The following WWOX variants were observed in gnomAD, a reference collection of about 807,000 sequenced individuals.
WWOX encodes WW domain-containing oxidoreductase.
Under a neutral mutation model 46.2 loss-of-function variants are expected in WWOX, and 69 were observed. That is an observed-to-expected ratio of 1.49 (90% CI 1.23 to 1.82). The LOEUF (loss-of-function observed/expected upper bound fraction) is 1.82. Among genes scored for constraint, WWOX ranks in the 40% most tolerant of loss-of-function variants. WWOX has a pLI of 0.00. For synonymous variants in WWOX, 359 were observed against 202.6 expected (o/e 1.77, Z -6.56); for missense variants, 919 against 542.6 (o/e 1.69, Z -6.89).
At chr16:78,460,094 A>T (rs563403315) in intron 8 of WWOX, among the ~76,000 whole-genome samples, 2 of 151,542 alleles carry the variant, frequency 1.3e-5, no homozygotes, top group South Asian at 2.1e-4. Context: ...GGCATGAGCC[A>T]CTGTACCTGG....
At chr16:78,217,240 C>A (rs1230565844) in intron 5 of WWOX, among the ~76,000 whole-genome samples, 8 of 152,292 alleles carry the variant, frequency 5.3e-5, no homozygotes, top group Admixed American at 5.2e-4. Flanking sequence ...CCTGATTCTT[C>A]CTAACTTCTC....
chr16:78,407,574 C>T (rs1354360278), intron 6 of WWOX, among the ~76,000 whole-genome samples: 1 of 152,146 alleles, frequency 6.6e-6, no homozygotes, highest in Non-Finnish European at 1.5e-5. Flanking sequence ...CTCTTTAAAG[C>T]ACCTTTCTCA....
chr16:79,034,627 T>C (rs183935129), intron 8 of WWOX, among the ~76,000 whole-genome samples: 35 of 152,338 alleles, frequency 2.3e-4, no homozygotes, highest in Admixed American at 3.9e-4. Context: ...CTCAAAGGCA[T>C]TAATCTTTTT....
intron 8 of WWOX, among the ~76,000 whole-genome samples, chr16:78,542,572 C>T (rs1015198010): frequency 1.3e-5 from 2 of 152,080 alleles, no homozygotes; most frequent in African/African-American, 2.4e-5. Flanking sequence ...TGACCGTGTT[C>T]GCTGGAATTG....
intron 8 of WWOX, among the ~76,000 whole-genome samples, chr16:78,548,178 A>G (rs61299140): frequency 8.9e-6 from 1 of 112,738 alleles, no homozygotes; most frequent in Non-Finnish European, 1.8e-5. Flanking sequence ...AAAAAAAAAA[A>G]TTACGAATTT....
At chr16:78,916,617 A>G (rs2045258085) in intron 8 of WWOX, among the ~76,000 whole-genome samples, 1 of 152,350 alleles carries the variant, frequency 6.6e-6, no homozygotes, top group African/African-American at 2.4e-5. Flanking sequence ...ATAAATTGGG[A>G]TTGGCCTAGA....
intron 8 of WWOX, among the ~76,000 whole-genome samples, chr16:78,447,717 G>A (rs2083594471): frequency 6.6e-6 from 1 of 152,184 alleles, no homozygotes; most frequent in Non-Finnish European, 1.5e-5. Flanking sequence ...AGCTGTTGCT[G>A]GGGAGTCAGT....
At chr16:78,916,286 G>A (rs908123283) in intron 8 of WWOX, among the ~76,000 whole-genome samples, 3 of 152,172 alleles carry the variant, frequency 2.0e-5, no homozygotes, top group African/African-American at 7.2e-5. Flanking sequence ...GGGTATGATG[G>A]ATGGAGACCC....
intron 8 of WWOX, among the ~76,000 whole-genome samples, chr16:79,005,367 C>T (rs2047170672): frequency 6.6e-6 from 1 of 152,192 alleles, no homozygotes; most frequent in African/African-American, 2.4e-5. Context: ...AATGAGGTAG[C>T]TGTAGCCAAG....
intron 8 of WWOX, among the ~76,000 whole-genome samples, chr16:78,950,239 C>T (rs1995549): frequency 0.61 from 92,977 of 151,978 alleles, 28,904 homozygotes; most frequent in Middle Eastern, 0.73. Flanking sequence ...AGTTGAATTA[C>T]GGTCTTTAGC....
intron 5 of WWOX, among the ~76,000 whole-genome samples, chr16:78,225,469 C>A (rs1477849388): frequency 6.6e-6 from 1 of 152,172 alleles, no homozygotes; most frequent in Middle Eastern, 3.2e-3. Context: ...GCAACCAAAT[C>A]TATCAGCCTG....
chr16:78,961,117 G>A (rs953741614), intron 8 of WWOX, among the ~76,000 whole-genome samples: 1 of 152,270 alleles, frequency 6.6e-6, no homozygotes, highest in East Asian at 1.9e-4. Context: ...CTGAAAGAAA[G>A]ACTCAAGCCA....
At chr16:78,848,768 C>A (rs2052364163) in intron 8 of WWOX, among the ~76,000 whole-genome samples, 1 of 150,808 alleles carries the variant, frequency 6.6e-6, no homozygotes, top group Admixed American at 6.6e-5. Flanking sequence ...ACATGAGATT[C>A]CCAAAATAGA....
At chr16:78,689,656 C>T (rs1265241726) in intron 8 of WWOX, among the ~76,000 whole-genome samples, 1 of 152,118 alleles carries the variant, frequency 6.6e-6, no homozygotes, top group African/African-American at 2.4e-5. Flanking sequence ...CCTTGTGGTT[C>T]CTTGTAGTAA....
intron 8 of WWOX, among the ~76,000 whole-genome samples, chr16:78,883,843 T>A (rs767999344): frequency 5.9e-5 from 9 of 152,160 alleles, no homozygotes; most frequent in Non-Finnish European, 1.2e-4. Context: ...TTTGTAAGTT[T>A]CCTGTAATAC....
intron 8 of WWOX, among the ~76,000 whole-genome samples, chr16:79,048,064 C>T (rs942759098): frequency 6.6e-6 from 1 of 152,152 alleles, no homozygotes; most frequent in Non-Finnish European, 1.5e-5. Context: ...CAGGGACTCA[C>T]GTCTTCTAGG....
chr16:78,939,826 C>T (rs1017694826), intron 8 of WWOX, among the ~76,000 whole-genome samples: 1 of 152,210 alleles, frequency 6.6e-6, no homozygotes, highest in African/African-American at 2.4e-5. Context: ...CATCCTTCAT[C>T]AAGGTGACAT....
intron 8 of WWOX, among the ~76,000 whole-genome samples, chr16:79,118,757 G>C (rs1219600067): frequency 6.6e-6 from 1 of 152,166 alleles, no homozygotes; most frequent in Non-Finnish European, 1.5e-5. Context: ...TGTGGTGTTT[G>C]TCCCACATAG....
intron 8 of WWOX, among the ~76,000 whole-genome samples, chr16:78,567,300 C>G (rs1006209338): frequency 6.6e-6 from 1 of 151,958 alleles, no homozygotes; most frequent in Admixed American, 6.5e-5. Flanking sequence ...AATCCCAGCA[C>G]TTTGGGAGGC....
Sources: gnomAD v4.1 joint callset for allele counts (sites outside exome capture counted in the v4.1 genomes callset) on GRCh38, gnomAD v4.1.1 for gene constraint, MANE v1.5 for transcripts, NCBI Gene and HGNC (gene_info 2026-07-23, HGNC 2026-07-21) for gene names.